NTM: variants seen among roughly 807,000 people sequenced by gnomAD.
NTM encodes the protein IgLON family member 2.
Under a neutral mutation model 42.1 loss-of-function variants are expected in NTM, and 13 were observed. The observed-to-expected ratio is 0.31, with a 90% confidence interval of 0.20 to 0.49. The LOEUF (loss-of-function observed/expected upper bound fraction) is 0.49. NTM is among the 20% of genes least tolerant of loss of function. The pLI is 0.99. For missense variants in NTM, 373 were observed against 452.8 expected, an observed-to-expected ratio of 0.82 and a Z score of 1.60; for synonymous variants, 187 against 179.2, an observed-to-expected ratio of 1.04 and a Z score of -0.35.
intron 1 of NTM, among the ~76,000 whole-genome samples, chr11:131,383,332 A>T (rs1028467504): frequency 2.2e-4 from 34 of 152,366 alleles, no homozygotes; most frequent in African/African-American, 7.9e-4. Flanking sequence ...ACTCAGTTAG[A>T]TAGACAAGTG....
At chr11:131,556,525 C>G (rs2055436307) in intron 1 of NTM, among the ~76,000 whole-genome samples, 1 of 151,032 alleles carries the variant, frequency 6.6e-6, no homozygotes, top group African/African-American at 2.4e-5. Flanking sequence ...GTATTCTGCT[C>G]TGTAAAAAGA....
chr11:132,312,129 C>T (rs2095299287), intron 6 of NTM, among the ~76,000 whole-genome samples: 1 of 152,186 alleles, frequency 6.6e-6, no homozygotes, highest in Non-Finnish European at 1.5e-5. Context: ...AGCTCAGCTG[C>T]AGCATCCCTG....
At chr11:132,313,478 C>T (rs988075429) in intron 6 of NTM, among the ~76,000 whole-genome samples, 3 of 152,056 alleles carry the variant, frequency 2.0e-5, no homozygotes, top group Non-Finnish European at 4.4e-5. Flanking sequence ...GGTTTTTTGC[C>T]CCAAGAGTAT....
intron 2 of NTM, among the ~76,000 whole-genome samples, chr11:131,955,895 C>T (rs1471726182): frequency 1.3e-5 from 2 of 152,190 alleles, no homozygotes; most frequent in African/African-American, 4.8e-5. Flanking sequence ...GTCCAAGATT[C>T]CTGGGGCAAA....
At chr11:131,592,988 T>C (rs990112338) in intron 1 of NTM, among the ~76,000 whole-genome samples, 1 of 152,224 alleles carries the variant, frequency 6.6e-6, no homozygotes, top group South Asian at 2.1e-4. Context: ...GGCTATGCTG[T>C]CATTTGTAAT....
At chr11:131,634,273 G>C (rs536715611) in intron 1 of NTM, among the ~76,000 whole-genome samples, 1 of 152,124 alleles carries the variant, frequency 6.6e-6, no homozygotes, top group Non-Finnish European at 1.5e-5. Flanking sequence ...GATTGAATGC[G>C]TCGAAAATTG....
intron 1 of NTM, among the ~76,000 whole-genome samples, chr11:131,500,318 C>T (rs1330295657): frequency 6.6e-6 from 1 of 152,110 alleles, no homozygotes; most frequent in Non-Finnish European, 1.5e-5. Context: ...TTCCCAGAAT[C>T]ATTAGGATCT....
At chr11:132,014,736 G>GTTTTTTTTTTTTTTT (rs146527050) in intron 2 of NTM, among the ~76,000 whole-genome samples, 3 of 84,014 alleles carry the variant, frequency 3.6e-5, no homozygotes, top group Non-Finnish European at 6.4e-5. Flanking sequence ...AGAATTACTT[G>GTTTTTTTTTTTTTTT]TTTTTTTTTT....
chr11:132,237,448 G>C (rs1402029075), intron 4 of NTM, among the ~76,000 whole-genome samples: 2 of 152,152 alleles, frequency 1.3e-5, no homozygotes, highest in African/African-American at 2.4e-5. Context: ...ATTTTGTCTT[G>C]ATAATTAGCT....
chr11:131,894,449 T>C (rs1434092486), intron 1 of NTM, among the ~76,000 whole-genome samples: 2 of 152,148 alleles, frequency 1.3e-5, no homozygotes, highest in Non-Finnish European at 2.9e-5. Flanking sequence ...TGGTAAACTA[T>C]GTGTATGGCA....
At chr11:132,177,024 G>A (rs59281076) in intron 3 of NTM, among the ~76,000 whole-genome samples, 3,215 of 152,066 alleles carry the variant, frequency 0.021, 95 homozygotes, top group African/African-American at 0.07. Context: ...GGTGTGAGCC[G>A]TGCCGCCTGA....
chr11:132,023,371 C>T (rs1247461599), intron 2 of NTM, among the ~76,000 whole-genome samples: 2 of 152,206 alleles, frequency 1.3e-5, no homozygotes, highest in Non-Finnish European at 2.9e-5. Context: ...TAATGCACTA[C>T]AGCTGGGAAG....
intron 2 of NTM, among the ~76,000 whole-genome samples, chr11:132,024,565 G>C (rs559862554): frequency 6.6e-6 from 1 of 152,206 alleles, no homozygotes; most frequent in South Asian, 2.1e-4. Flanking sequence ...TCCCCAGTTG[G>C]TTGAATCTAT....
chr11:132,024,791 G>A (rs970587018), intron 2 of NTM, among the ~76,000 whole-genome samples: 6 of 152,116 alleles, frequency 3.9e-5, no homozygotes, highest in Non-Finnish European at 7.4e-5. Context: ...ACTTTCACTT[G>A]CATATTAGCC....
chr11:131,492,229 G>A (rs959876265), intron 1 of NTM, among the ~76,000 whole-genome samples: 2 of 152,184 alleles, frequency 1.3e-5, no homozygotes, highest in Non-Finnish European at 2.9e-5. Context: ...CTGAAAAGTT[G>A]GCAGGGCAGT....
At chr11:132,227,375 A>G (rs1391842984) in intron 4 of NTM, among the ~76,000 whole-genome samples, 2 of 152,186 alleles carry the variant, frequency 1.3e-5, no homozygotes, top group Non-Finnish European at 2.9e-5. Flanking sequence ...GATTAATTAG[A>G]AAGAGGGAGA....
intron 2 of NTM, among the ~76,000 whole-genome samples, chr11:132,010,169 A>G (rs371882913): frequency 6.6e-6 from 1 of 152,188 alleles, no homozygotes; most frequent in African/African-American, 2.4e-5. Context: ...ATTAGCTTTG[A>G]TCTTACTCTC....
intron 4 of NTM, among the ~76,000 whole-genome samples, chr11:132,295,374 A>G (rs1348042189): frequency 6.6e-6 from 1 of 152,164 alleles, no homozygotes; most frequent in Admixed American, 6.5e-5. Flanking sequence ...TCTACGTGCT[A>G]AACCTGCTAT....
chr11:131,991,259 C>T (rs958314823), intron 2 of NTM, among the ~76,000 whole-genome samples: 1 of 152,010 alleles, frequency 6.6e-6, no homozygotes, highest in African/African-American at 2.4e-5. Flanking sequence ...CTTGTCCCTG[C>T]CATAACCATG....
Sources: gnomAD v4.1 joint callset for allele counts (sites outside exome capture counted in the v4.1 genomes callset) on GRCh38, gnomAD v4.1.1 for gene constraint, MANE v1.5 for transcripts, NCBI Gene and HGNC (gene_info 2026-07-23, HGNC 2026-07-21) for gene names.